CAPN12: variants seen among roughly 807,000 people sequenced by gnomAD.
CAPN12 encodes the protein calpain-12.
Under a neutral mutation model 95.0 loss-of-function variants are expected in CAPN12, and 107 were observed. The ratio of observed to expected loss-of-function variants is 1.13; its 90% CI spans 0.96 to 1.32. The LOEUF (loss-of-function observed/expected upper bound fraction) is 1.32. CAPN12 is among the 40% of genes most tolerant of loss of function. The pLI is 0.00. For synonymous variants in CAPN12, 505 were observed against 415.5 expected, an observed-to-expected ratio of 1.22 and a Z score of -2.62; for missense variants, 1,136 against 997.8, an observed-to-expected ratio of 1.14 and a Z score of -1.87.
Position 38,730,680 on chromosome 19 carries a change from A to T in CAPN12, c.*172T>A. On this transcript the variant is annotated 3_prime_UTR_variant, in exon 21 of 21. Coordinates refer to ENST00000328867, the MANE Select transcript of CAPN12 (RefSeq NM_144691.4). ...AGGGCTGTCGCTGTTCTTGTTTCTG[A>T]GTGAGGAGTACGCAGGCCAGAGTGG... 1 of 706,686 alleles carries T rather than the reference A, an allele frequency of 1.4e-6. No homozygotes were observed. The allele number at this position is 706,686 out of a possible 1,614,324, so 43.8% of individuals were successfully genotyped here. A position where few individuals can be genotyped will look rare whatever the true frequency, so the allele number is the denominator to read the frequency against.
Position 38,735,427 on chromosome 19 carries a change from G to A in CAPN12, c.1629C>T (p.Gly543=). 6.8e-6 allele frequency: 11 copies of A among 1,610,840 alleles called. No homozygotes were observed. Among genetic ancestry groups the A allele is most frequent in the Non-Finnish European group, 9.3e-6 (11 of 1,179,048 alleles). The change falls in exon 14 of 21, where the codon GGC becomes GGT. Residue 543 remains glycine (G), a splice_region_variant and synonymous_variant. Transcript: ENST00000328867. ...ACCCCAGCTCCAGGGGCAGGTAGGG[G>A]CCCTGCCGCATGGCGGAAGTTTAGC... is the stretch of plus-strand genomic sequence containing the variant. ...VISADLQSLQ[G]PYLPLELGLE...
chr19:38,743,817 C>A (rs565352397), intron 1 of CAPN12, 112 bp downstream of exon 1: 15 of 1,025,492 alleles, frequency 1.5e-5, no homozygotes, highest in African/African-American at 9.7e-5. Flanking sequence ...AGCCCCTCCT[C>A]CCTCAGACCA....
chr19:38,735,165 TG>T (rs748015650), intron 14 of CAPN12: 3 of 605,546 alleles, frequency 5.0e-6, no homozygotes, highest in Non-Finnish European at 8.7e-6. Context: ...AGGGAGAGGG[TG>T]GTCCTGGGAG....
At chr19:38,731,249 A>G (rs1456965495) in intron 18 of CAPN12, 26 bp from the exon 19 acceptor site, 2 of 1,586,010 alleles carry the variant, frequency 1.3e-6, no homozygotes, top group Non-Finnish European at 1.7e-6. Context: ...TTCTGAGCCC[A>G]GTGGCCCACA....
At chr19:38,735,454 C>A in intron 13 of CAPN12, 25 bp from the exon 14 acceptor site, 1 of 1,611,020 alleles carries the variant, frequency 6.2e-7, no homozygotes, top group Non-Finnish European at 8.5e-7. Flanking sequence ...AAGTTTAGCG[C>A]TGGCCAAGAT....
At chr19:38,735,257 G>A (rs1436124953) in intron 14 of CAPN12, 113 bp downstream of exon 14, 6 of 1,062,858 alleles carry the variant, frequency 5.6e-6, no homozygotes, top group Middle Eastern at 3.0e-4. Context: ...TTTAAGCCCG[G>A]AGGGAGGAAA....
chr19:38,731,276 A>G, intron 18 of CAPN12, 53 bp from the exon 19 acceptor site: 1 of 1,389,186 alleles, frequency 7.2e-7, no homozygotes, highest in Non-Finnish European at 1.0e-6. Context: ...CCACCTTGGC[A>G]TTGCATCCCC....
rs1969499354 is a variant in CAPN12, at chr19:38,730,501, ATAATAAAACATG to A, written c.*339_*350del. 21 of 329,556 alleles carry A rather than the reference ATAATAAAACATG, an allele frequency of 6.4e-5. No homozygotes were observed. In the South Asian group the frequency reaches 8.2e-4, roughly 13 times the overall value. The allele number at this position is 329,556 out of a possible 1,614,324, so 20.4% of individuals were successfully genotyped here. ...GGATAAACCACCCTCTGGGGACAGG[ATAATAAAACATG>A]TAATATTTTTAAGAAGGATTCCTGC... On this transcript the variant is annotated 3_prime_UTR_variant, in exon 21 of 21. Transcript: ENST00000328867.
At chr19:38,740,708 G>A (rs1970495289) in intron 4 of CAPN12, among the ~76,000 whole-genome samples, 1 of 152,002 alleles carries the variant, frequency 6.6e-6, no homozygotes, top group Non-Finnish European at 1.5e-5. Flanking sequence ...GCTGAGGCAG[G>A]AGAATCGCTT....
At chr19:38,734,979 C>T (rs1969914197) in intron 14 of CAPN12, 109 bp from the exon 15 acceptor site, 4 of 1,023,220 alleles carry the variant, frequency 3.9e-6, no homozygotes, top group Admixed American at 2.1e-5. Flanking sequence ...AGCCCTAGCT[C>T]CAGGAGTGGG....
At chr19:38,734,456 G>A (rs915746605) in intron 15 of CAPN12, 67 bp from the exon 16 acceptor site, 21 of 1,371,758 alleles carry the variant, frequency 1.5e-5, no homozygotes, top group African/African-American at 7.3e-5. Context: ...AGGGCTGGGT[G>A]GATGTGACTC....
Position 38,737,658 on chromosome 19 carries a change from G to C in CAPN12, c.966-20C>G, listed in dbSNP as rs527981785. ...TCCATCCTGCACGGTGGCCCAGTCAGACCCTGCCCGGCCCCACCTCGAGGG... is the reference window on the plus strand; with the variant it reads ...TCCATCCTGCACGGTGGCCCAGTCACACCCTGCCCGGCCCCACCTCGAGGG... On this transcript the variant is annotated intron_variant, in intron 8 of 20. Coordinates refer to ENST00000328867, the MANE Select transcript of CAPN12 (RefSeq NM_144691.4). 6.5e-7 allele frequency: 1 copy of C among 1,546,552 alleles called. No homozygotes were observed. The highest frequency in any genetic ancestry group is 1.4e-5 in the African/African-American group (1 of 73,622).
intron 12 of CAPN12, 95 bp from the exon 13 acceptor site, chr19:38,735,639 G>GGTAGGGACC (rs570388808): frequency 1.7e-6 from 2 of 1,187,180 alleles, no homozygotes; most frequent in East Asian, 2.8e-5. Flanking sequence ...GTGGGGTCTA[G>GGTAGGGACC]GTAGGGACCG....
At chr19:38,734,415 C>T (rs1450146831) in intron 15 of CAPN12, 26 bp from the exon 16 acceptor site, 1 of 1,555,096 alleles carries the variant, frequency 6.4e-7, no homozygotes, top group Non-Finnish European at 8.7e-7. Context: ...AGTCAAACCA[C>T]AGCACTTCCT....
At position 38,730,987 on chromosome 19, in the gene CAPN12, A is replaced by AC. The variant is rs751871974; in HGVS notation, c.2110dup (p.Val704GlyfsTer32). On this transcript the variant is annotated frameshift_variant, in exon 20 of 21. Transcript: ENST00000328867. LOFTEE classifies it high-confidence loss of function. ...CACCTGTCTGTGGGTCAGGCAGATG[A>AC]CCCCCTCACCCCCATCCAGGTGCTG... The AC allele has an allele frequency of 6.4e-6, 10 of 1,550,828 alleles. No homozygotes were observed. Among genetic ancestry groups the AC allele is most frequent in the South Asian group, 4.8e-5 (4 of 84,128 alleles).
At chr19:38,732,208 G>A (rs1326244530) in intron 18 of CAPN12, among the ~76,000 whole-genome samples, 1 of 152,244 alleles carries the variant, frequency 6.6e-6, no homozygotes, top group African/African-American at 2.4e-5. Context: ...CCTGCCACCT[G>A]CTGTGAGTCC....
chr19:38,739,037 C>T (rs1335234169), intron 5 of CAPN12: 1 of 296,066 alleles, frequency 3.4e-6, no homozygotes, highest in African/African-American at 2.2e-5. Flanking sequence ...GAGGCTGAGG[C>T]AGGAGGATCC....
At position 38,741,776 on chromosome 19, in the gene CAPN12, C is replaced by T. The variant is rs1489939505; in HGVS notation, c.560+1G>A. The stretch of plus-strand genomic sequence containing the variant: ...CAGCTGGTTGGAACTGGGGTCCTCA[C>T]TTGGCGTAGGCCTTCTCCAGGAGTG... On this transcript the variant is annotated splice_donor_variant, in intron 4 of 20. Transcript: ENST00000328867. LOFTEE classifies it high-confidence loss of function. 1 of 1,613,802 alleles carries T rather than the reference C, an allele frequency of 6.2e-7. No homozygotes were observed. The highest frequency in any genetic ancestry group is 1.3e-5 in the African/African-American group (1 of 74,922).
At chr19:38,744,541 CTCTA>C (rs1367521397), upstream of CAPN12, 12 of 319,932 alleles carry the variant, frequency 3.8e-5, no homozygotes, top group Admixed American at 8.5e-5. Context: ...ACCTCGGTGT[CTCTA>C]TCTCTCAGAC....
Sources: gnomAD v4.1 joint callset for allele counts (sites outside exome capture counted in the v4.1 genomes callset) on GRCh38, gnomAD v4.1.1 for gene constraint, MANE v1.5 for transcripts, NCBI Gene and HGNC (gene_info 2026-07-23, HGNC 2026-07-21) for gene names.